Variants in FAT4 observed in about 807,000 individuals in gnomAD.
The protein encoded by FAT4 is protocadherin Fat 4.
A neutral mutation model predicts 303.9 loss-of-function variants in FAT4; 84 were observed. The ratio of observed to expected loss-of-function variants is 0.28; its 90% CI spans 0.23 to 0.33. The LOEUF (loss-of-function observed/expected upper bound fraction) is 0.33. FAT4 is among the 10% of genes least tolerant of loss of function. The probability of loss-of-function intolerance (pLI) is 1.00; values close to 1 mark genes in which losing one functional copy is unlikely to be tolerated. For synonymous variants in FAT4, 2,307 were observed against 2,298.8 expected, an observed-to-expected ratio of 1.00 and a Z score of -0.10; for missense variants, 6,005 against 6,146.8, an observed-to-expected ratio of 0.98 and a Z score of 0.77.
At chr4:125,342,499 A>G (rs1421309507) in intron 2 of FAT4, among the ~76,000 whole-genome samples, 2 of 152,016 alleles carry the variant, frequency 1.3e-5, no homozygotes, top group Non-Finnish European at 2.9e-5. Flanking sequence ...CATTTATTAT[A>G]CATTTAGAAA....
intron 3 of FAT4, 82 bp from the exon 4 acceptor site, chr4:125,406,798 G>C: frequency 6.7e-7 from 1 of 1,484,782 alleles, no homozygotes; most frequent in Non-Finnish European, 9.1e-7. Context: ...GCCTTCCTTT[G>C]TCAAATACAT....
chr4:125,464,282 A>AT lies in FAT4; in HGVS notation c.11905+617dup, dbSNP rs541633575. ...AACTTTTTTGTATACATACATATTT[A>AT]TTCACCCTAGTGGAATGAACTAAAA... On this transcript the variant is annotated intron_variant, in intron 11 of 17. Coordinates refer to ENST00000394329, the MANE Select transcript of FAT4 (RefSeq NM_001291303.3). Among the ~76,000 whole-genome samples the AT allele has an allele frequency of 4.6e-3, 693 of 152,182 alleles. 8 individuals carry two copies. Among genetic ancestry groups the AT allele is most frequent in the African/African-American group, 0.016 (659 of 41,572 alleles).
At position 125,317,151 on chromosome 4, in the gene FAT4, C is replaced by T; in HGVS notation, c.740C>T (p.Pro247Leu). 1 of 1,610,510 alleles carries T rather than the reference C, an allele frequency of 6.2e-7. No homozygotes were observed. Among genetic ancestry groups the T allele is most frequent in the Non-Finnish European group, 8.5e-7 (1 of 1,177,632 alleles). The change falls in exon 2 of 18, where the codon CCC becomes CTC. Residue 247 changes from proline to leucine, a missense_variant. By Grantham distance (98) the Pro-to-Leu change is moderately conservative. Coordinates refer to ENST00000394329, the MANE Select transcript of FAT4 (RefSeq NM_001291303.3). The surrounding 1 kb of genome is among the most constrained non-coding windows in gnomAD (Gnocchi z 7.0). ...ACTGTGCAAGACATTAATGACAACC[C>T]CCCGGTTTTTGGCAGTTCTCACTAC... ...NVTVQDINDN[P>L]PVFGSSHYQA...
At chr4:125,366,268 T>G (rs1319978469) in intron 2 of FAT4, among the ~76,000 whole-genome samples, 1 of 152,136 alleles carries the variant, frequency 6.6e-6, no homozygotes, top group East Asian at 1.9e-4. Context: ...TGCCCTCTAA[T>G]AGACCCCAGT....
intron 3 of FAT4, among the ~76,000 whole-genome samples, chr4:125,403,021 T>C (rs1028151064): frequency 2.6e-5 from 4 of 152,052 alleles, no homozygotes; most frequent in African/African-American, 9.7e-5. Flanking sequence ...ACTCTAGTTA[T>C]ATTTTGATTT....
At chr4:125,355,982 C>T (rs543802328) in intron 2 of FAT4, among the ~76,000 whole-genome samples, 1 of 152,076 alleles carries the variant, frequency 6.6e-6, no homozygotes, top group Admixed American at 6.6e-5. Context: ...CTGTTTGGAT[C>T]ATGTTTTTTT....
chr4:125,421,711 T>G (rs186898774), intron 7 of FAT4, among the ~76,000 whole-genome samples: 145 of 150,936 alleles, frequency 9.6e-4, no homozygotes, highest in Middle Eastern at 3.4e-3. Context: ...TAAGTGATGG[T>G]TTTTTTTTGG....
chr4:125,479,798 T>C lies in FAT4; in HGVS notation c.12537T>C (p.Cys4179=), dbSNP rs1296429884. The part of the protein sequence containing the change: ...TRSPCQHGGT[C]MDYWSWQQCH... The stretch of plus-strand genomic sequence containing the variant: ...GCCCATGCCAACATGGTGGCACATG[T>C]ATGGATTACTGGTCATGGCAGCAGT... Residue 4179 remains cysteine, a synonymous_variant, in exon 15 of 18, where the codon TGT becomes TGC. Transcript: ENST00000394329. The C allele has an allele frequency of 3.7e-6, 6 of 1,606,554 alleles. No individual in the cohort carries two copies. Among genetic ancestry groups the C allele is most frequent in the Non-Finnish European group, 5.1e-6 (6 of 1,174,504 alleles).
At chr4:125,406,619 A>G (rs923226681) in intron 3 of FAT4, among the ~76,000 whole-genome samples, 3 of 152,146 alleles carry the variant, frequency 2.0e-5, no homozygotes, top group East Asian at 1.9e-4. Context: ...AAGTCTTCCA[A>G]TGCATGAACT....
chr4:125,438,814 A>C, intron 8 of FAT4, among the ~76,000 whole-genome samples: 1 of 152,182 alleles, frequency 6.6e-6, no homozygotes, highest in African/African-American at 2.4e-5. Flanking sequence ...TGGTATCCTG[A>C]AGAAAATCTA....
At chr4:125,486,397 G>C (rs936023947) in intron 16 of FAT4, among the ~76,000 whole-genome samples, 2 of 152,042 alleles carry the variant, frequency 1.3e-5, no homozygotes, top group Non-Finnish European at 1.5e-5. Context: ...CTGATTTTTA[G>C]TTTTACCAGA....
Position 125,452,624 on chromosome 4 carries a change from C to G in FAT4, c.11614C>G (p.Pro3872Ala). 1.9e-6 allele frequency: 3 copies of G among 1,614,140 alleles called. No individual in the cohort carries two copies. The highest frequency in any genetic ancestry group is 2.5e-6 in the Non-Finnish European group (3 of 1,180,028). Residue 3872 changes from proline to alanine, a missense_variant, in exon 10 of 18, where the codon CCT becomes GCT. Coordinates refer to ENST00000394329, the MANE Select transcript of FAT4 (RefSeq NM_001291303.3). ...AGATATAGATGAATGTCTTCCATCA[C>G]CTTGCCACAGTGGTGGAACCTGTCA... The part of the protein sequence containing the change: ...EIDIDECLPS[P>A]CHSGGTCHNL...
chr4:125,464,692 G>A (rs1351247323), intron 11 of FAT4, among the ~76,000 whole-genome samples: 1 of 151,866 alleles, frequency 6.6e-6, no homozygotes, highest in Non-Finnish European at 1.5e-5. Context: ...GACAGGTCAC[G>A]GTGTGTGAAG....
At chr4:125,414,099 T>A (rs1387202473) in intron 5 of FAT4, among the ~76,000 whole-genome samples, 1 of 152,034 alleles carries the variant, frequency 6.6e-6, no homozygotes, top group Non-Finnish European at 1.5e-5. Context: ...TTTTCACTGC[T>A]TATTTGTTAT....
chr4:125,423,103 T>C (rs1420018644), intron 7 of FAT4, among the ~76,000 whole-genome samples: 1 of 152,158 alleles, frequency 6.6e-6, no homozygotes, highest in African/African-American at 2.4e-5. Context: ...CATAAAAGTT[T>C]GGAAAATTTG....
chr4:125,406,861 G>T lies in FAT4; in HGVS notation c.5308-19G>T. The T allele has an allele frequency of 6.2e-7, 1 of 1,610,120 alleles. No homozygotes were observed. The highest frequency in any genetic ancestry group is 8.5e-7 in the Non-Finnish European group (1 of 1,177,626). On this transcript the variant is annotated intron_variant, in intron 3 of 17. Coordinates refer to ENST00000394329, the MANE Select transcript of FAT4 (RefSeq NM_001291303.3). ...CTTTTCTACTTCCAATAGCTCAGAT[G>T]CTTGGTCTCTTTTTTTAGGGTGCAA...
intron 10 of FAT4, 51 bp downstream of exon 10, chr4:125,452,861 T>C: frequency 6.6e-7 from 1 of 1,510,716 alleles, no homozygotes; most frequent in East Asian, 2.3e-5. Flanking sequence ...ATGTCAAGTA[T>C]ATTGAAACGA....
chr4:125,479,929 C>A, intron 15 of FAT4, 64 bp downstream of exon 15: 2 of 1,265,960 alleles, frequency 1.6e-6, no homozygotes, highest in East Asian at 5.0e-5. Flanking sequence ...AATATATGCA[C>A]CCAAGTATGT....
At chr4:125,390,773 T>A (rs1421517024) in intron 2 of FAT4, among the ~76,000 whole-genome samples, 1 of 152,172 alleles carries the variant, frequency 6.6e-6, no homozygotes, top group African/African-American at 2.4e-5. Context: ...AGATGGGCAA[T>A]GTGTAGGACC....
Sources: allele counts gnomAD v4.1 joint callset (sites outside exome capture counted in the v4.1 genomes callset), GRCh38; gene constraint gnomAD v4.1.1; non-coding constraint Gnocchi (gnomAD v3.1); transcripts MANE v1.5; gene names NCBI Gene and HGNC (gene_info 2026-07-23, HGNC 2026-07-21).